CSMD3: variants seen among roughly 807,000 people sequenced by gnomAD.
CSMD3 encodes the protein CUB and Sushi multiple domains 3.
CSMD3 carries 177 observed loss-of-function variants against 435.2 expected under a neutral mutation model. That is an observed-to-expected ratio of 0.41 (90% CI 0.36 to 0.46). CSMD3 has a LOEUF of 0.46. Among genes scored for constraint, CSMD3 ranks in the 20% least tolerant of loss-of-function variants. The pLI, the probability that CSMD3 is intolerant of heterozygous loss-of-function variation, is 0.34. For synonymous variants in CSMD3, 1,656 were observed against 1,520.5 expected (o/e 1.09, Z -2.07); for missense variants, 4,265 against 4,504.6 (o/e 0.95, Z 1.52).
intron 19 of CSMD3, 118 bp from the exon 20 acceptor site, chr8:112,645,343 A>G (rs1377948562): frequency 1.4e-6 from 1 of 727,518 alleles, no homozygotes; most frequent in Admixed American, 1.9e-5. Context: ...GCTACCTCCT[A>G]GTAATAACAG....
intron 13 of CSMD3, among the ~76,000 whole-genome samples, chr8:112,754,811 C>T (rs2077652180): frequency 6.6e-6 from 1 of 152,124 alleles, no homozygotes; most frequent in South Asian, 2.1e-4. Context: ...CTTCTGTTAC[C>T]CTTTTGACTT....
At chr8:112,263,906 A>C in intron 60 of CSMD3, 94 bp from the exon 61 acceptor site, 6 of 1,119,886 alleles carry the variant, frequency 5.4e-6, no homozygotes, top group Non-Finnish European at 8.1e-6. Flanking sequence ...CACATGTGCT[A>C]ATTTAACCTT....
intron 3 of CSMD3, among the ~76,000 whole-genome samples, chr8:113,275,202 A>G (rs1472600421): frequency 6.6e-6 from 1 of 152,086 alleles, no homozygotes; most frequent in Non-Finnish European, 1.5e-5. Context: ...TATTATCTCA[A>G]TTTTACAGAT....
chr8:113,401,876 G>T (rs976616795), intron 1 of CSMD3, among the ~76,000 whole-genome samples: 51 of 151,644 alleles, frequency 3.4e-4, no homozygotes, highest in African/African-American at 1.2e-3. Flanking sequence ...TGCTGTACAA[G>T]TTTTTGGCCT....
intron 9 of CSMD3, among the ~76,000 whole-genome samples, chr8:112,939,098 C>A (rs759526023): frequency 6.6e-6 from 1 of 151,930 alleles, no homozygotes; most frequent in Non-Finnish European, 1.5e-5. Flanking sequence ...AGTATTATTG[C>A]AATATTTAAA....
chr8:113,285,450 G>A (rs1359290429), intron 2 of CSMD3, among the ~76,000 whole-genome samples: 2 of 151,916 alleles, frequency 1.3e-5, no homozygotes, highest in Non-Finnish European at 2.9e-5. Flanking sequence ...TAGTAGAGAC[G>A]GGGTTTCACC....
intron 12 of CSMD3, among the ~76,000 whole-genome samples, chr8:112,804,411 G>A (rs936522199): frequency 2.0e-5 from 3 of 152,104 alleles, no homozygotes; most frequent in Non-Finnish European, 2.9e-5. Context: ...AGCCTGTAGA[G>A]TGAGCAAAGA....
intron 1 of CSMD3, among the ~76,000 whole-genome samples, chr8:113,330,092 C>T (rs1013379887): frequency 1.1e-4 from 16 of 151,936 alleles, no homozygotes; most frequent in African/African-American, 3.9e-4. Context: ...AATTTTTAAA[C>T]TGCAAAAACA....
chr8:112,905,306 G>GTATA lies in CSMD3; in HGVS notation c.1633+16317_1633+16320dup, dbSNP rs543479550. 4.3e-3 allele frequency among the ~76,000 whole-genome samples: 553 copies of GTATA among 129,878 alleles called. 4 individuals carry two copies. The highest frequency in any genetic ancestry group is 0.014 in the African/African-American group (514 of 36,806). 85.2% of individuals were successfully genotyped at this position (129,878 alleles called of 152,430 possible). ...GATTTTTATTAAACATATACTATGT[G>GTATA]TATATATATATATATACACACACAC... On this transcript the variant is annotated intron_variant, in intron 10 of 70. Coordinates refer to ENST00000297405, the MANE Select transcript of CSMD3 (RefSeq NM_198123.2).
At chr8:112,306,815 T>C (rs527852183) in intron 50 of CSMD3, among the ~76,000 whole-genome samples, 2 of 152,298 alleles carry the variant, frequency 1.3e-5, no homozygotes, top group African/African-American at 2.4e-5. Context: ...TGAATTTCAC[T>C]GATGTGTCTT....
At chr8:112,534,990 C>T (rs1209645898) in intron 27 of CSMD3, among the ~76,000 whole-genome samples, 2 of 152,112 alleles carry the variant, frequency 1.3e-5, no homozygotes, top group Non-Finnish European at 2.9e-5. Flanking sequence ...ACCCTTCATG[C>T]TAAAAACTCT....
chr8:113,301,106 G>C, intron 2 of CSMD3, among the ~76,000 whole-genome samples: 1 of 151,984 alleles, frequency 6.6e-6, no homozygotes, highest in Middle Eastern at 3.4e-3. Flanking sequence ...GTATAATTTC[G>C]AAAAAAGTTA....
chr8:112,237,817 C>T (rs917898232), intron 66 of CSMD3, among the ~76,000 whole-genome samples: 1 of 152,060 alleles, frequency 6.6e-6, no homozygotes, highest in African/African-American at 2.4e-5. Context: ...GACAGTGCTT[C>T]TGTGTTCCCC....
At chr8:113,210,743 A>G (rs909787014) in intron 3 of CSMD3, among the ~76,000 whole-genome samples, 2 of 151,794 alleles carry the variant, frequency 1.3e-5, no homozygotes, top group African/African-American at 4.8e-5. Flanking sequence ...TGGGCATGGT[A>G]GCAGGGACCT....
chr8:112,875,183 G>A (rs914659277), intron 10 of CSMD3, among the ~76,000 whole-genome samples: 2 of 152,060 alleles, frequency 1.3e-5, no homozygotes, highest in Non-Finnish European at 2.9e-5. Flanking sequence ...ATGATGCTTA[G>A]TTTGGCTGGA....
intron 49 of CSMD3, 31 bp downstream of exon 49, chr8:112,313,875 G>A (rs2130829795): frequency 6.4e-7 from 1 of 1,550,866 alleles, no homozygotes. Flanking sequence ...ATGATAGTGA[G>A]ATCTGTCCTG....
intron 4 of CSMD3, among the ~76,000 whole-genome samples, chr8:113,110,617 C>T (rs2090609637): frequency 6.6e-6 from 1 of 152,158 alleles, no homozygotes; most frequent in South Asian, 2.1e-4. Flanking sequence ...TTGAGGCTTT[C>T]TCTACATCTC....
chr8:112,964,025 A>G (rs539179536), intron 7 of CSMD3, among the ~76,000 whole-genome samples: 1 of 152,116 alleles, frequency 6.6e-6, no homozygotes, highest in South Asian at 2.1e-4. Context: ...AGAAAGGGGC[A>G]GTATCATTTA....
At chr8:112,751,838 C>T (rs548870861) in intron 13 of CSMD3, among the ~76,000 whole-genome samples, 2 of 151,760 alleles carry the variant, frequency 1.3e-5, no homozygotes, top group African/African-American at 2.4e-5. Context: ...TTTTAAGTTT[C>T]GGGATACATA....
Sources: gnomAD v4.1 joint callset for allele counts (sites outside exome capture counted in the v4.1 genomes callset) on GRCh38, gnomAD v4.1.1 for gene constraint, MANE v1.5 for transcripts, NCBI Gene and HGNC (gene_info 2026-07-23, HGNC 2026-07-21) for gene names.